Variants in EGFR observed in about 807,000 individuals in gnomAD.
The protein encoded by EGFR is avian erythroblastic leukemia viral (v-erb-b) oncogene homolog.
In EGFR, 58 loss-of-function variants were observed where a neutral mutation model predicts 143.0. The observed-to-expected ratio is 0.41, with a 90% CI of 0.33 to 0.50. The LOEUF is 0.50. EGFR is among the 20% of genes least tolerant of loss of function. EGFR has a pLI of 0.39. For synonymous variants in EGFR, 613 were observed against 594.4 expected (o/e 1.03, Z -0.45); for missense variants, 1,307 against 1,579.0 (o/e 0.83, Z 2.92).
At chr7:55,081,969 T>A (rs554868475) in intron 1 of EGFR, among the ~76,000 whole-genome samples, 1 of 152,328 alleles carries the variant, frequency 6.6e-6, no homozygotes, top group African/African-American at 2.4e-5. Context: ...CTTTACGATA[T>A]CACTCTGATA....
intron 1 of EGFR, among the ~76,000 whole-genome samples, chr7:55,122,429 G>A (rs1793264257): frequency 1.3e-5 from 2 of 152,206 alleles, no homozygotes; most frequent in East Asian, 1.9e-4. Flanking sequence ...GCAGTGGGGG[G>A]AACCGCACAG....
intron 1 of EGFR, among the ~76,000 whole-genome samples, chr7:55,139,794 G>A (rs1299427237): frequency 6.6e-6 from 1 of 152,116 alleles, no homozygotes; most frequent in African/African-American, 2.4e-5. Flanking sequence ...TCATGACGTA[G>A]AATTTAAGCA....
chr7:55,104,680 A>G (rs1423529563), intron 1 of EGFR, among the ~76,000 whole-genome samples: 1 of 152,186 alleles, frequency 6.6e-6, no homozygotes, highest in Admixed American at 6.5e-5. Flanking sequence ...GGCTTGATCC[A>G]GTGCCTAGGC....
intron 1 of EGFR, among the ~76,000 whole-genome samples, chr7:55,099,079 A>C (rs1791649634): frequency 6.6e-6 from 1 of 152,142 alleles, no homozygotes; most frequent in South Asian, 2.1e-4. Context: ...CAGAAGATGA[A>C]AATCAATTTC....
chr7:55,175,004 C>T (rs1339862566), intron 19 of EGFR, among the ~76,000 whole-genome samples, 184 bp downstream of exon 19: 1 of 152,164 alleles, frequency 6.6e-6, no homozygotes, highest in Non-Finnish European at 1.5e-5. Flanking sequence ...CAGCACTGGC[C>T]TCTCCCATGC....
At chr7:55,164,168 C>T (rs893011599) in intron 14 of EGFR, among the ~76,000 whole-genome samples, 2 of 152,218 alleles carry the variant, frequency 1.3e-5, no homozygotes, top group African/African-American at 4.8e-5. Context: ...AAATTCTTAA[C>T]ATTAGCTTGT....
chr7:55,211,027 A>T lies in EGFR; in HGVS notation c.*5410A>T, dbSNP rs1424994757. On this transcript the variant is annotated 3_prime_UTR_variant, in exon 28 of 28. Transcript: ENST00000275493. ...ATTTGTTATACATTCCTCACAAATT[A>T]TACCTGGGATAAAAACTATGTAGCA... 1 of 152,214 alleles carries T rather than the reference A, an allele frequency of 6.6e-6. No homozygotes were observed. Among genetic ancestry groups the T allele is most frequent in the African/African-American group, 2.4e-5 (1 of 41,454 alleles). The allele number at this position is 152,214 out of a possible 1,614,324, so 9.4% of individuals were successfully genotyped here. A position where few individuals can be genotyped will look rare whatever the true frequency, so the allele number is the denominator to read the frequency against.
intron 4 of EGFR, among the ~76,000 whole-genome samples, chr7:55,150,517 T>G (rs1041644692): frequency 2.0e-5 from 3 of 152,212 alleles, no homozygotes; most frequent in Non-Finnish European, 4.4e-5. Flanking sequence ...TCGGGACCCA[T>G]GAACACCTCT....
intron 1 of EGFR, among the ~76,000 whole-genome samples, chr7:55,068,328 C>A (rs1262315263): frequency 6.6e-6 from 1 of 152,116 alleles, no homozygotes; most frequent in African/African-American, 2.4e-5. Flanking sequence ...ATAGAGAATA[C>A]AAAGAGGAGA....
chr7:55,038,995 T>C (rs1387664472), intron 1 of EGFR, among the ~76,000 whole-genome samples: 1 of 151,496 alleles, frequency 6.6e-6, no homozygotes, highest in African/African-American at 2.4e-5. Flanking sequence ...GTAGATCTGG[T>C]ACCAGTTAGT....
chr7:55,141,971 T>C lies in EGFR; in HGVS notation c.89-315T>C, dbSNP rs181207139. Among the ~76,000 whole-genome samples the C allele has an allele frequency of 3.4e-3, 518 of 152,362 alleles. 2 individuals carry two copies. The highest frequency in any genetic ancestry group is 0.012 in the African/African-American group (497 of 41,592). ...TTTAAATTTCAACATTTTTTTATTT[T>C]GGCATTTTAATGCAATTCAATGCAT... On this transcript the variant is annotated intron_variant, in intron 1 of 27. Coordinates refer to ENST00000275493, the MANE Select transcript of EGFR (RefSeq NM_005228.5).
At chr7:55,153,101 A>AC (rs1785239884) in intron 6 of EGFR, among the ~76,000 whole-genome samples, 1 of 152,120 alleles carries the variant, frequency 6.6e-6, no homozygotes, top group Non-Finnish European at 1.5e-5. Context: ...TCCCTAAGAG[A>AC]CCCATGGAGA....
intron 1 of EGFR, among the ~76,000 whole-genome samples, chr7:55,056,266 C>T (rs1309371059): frequency 6.6e-6 from 1 of 152,158 alleles, no homozygotes; most frequent in Non-Finnish European, 1.5e-5. Flanking sequence ...TGAAGGCCCG[C>T]ATCTGGAACA....
intron 1 of EGFR, among the ~76,000 whole-genome samples, chr7:55,054,706 T>C (rs1788689445): frequency 6.6e-6 from 1 of 152,210 alleles, no homozygotes; most frequent in Non-Finnish European, 1.5e-5. Context: ...CGGGAAGGTC[T>C]GGACCCCTTG....
At chr7:55,109,592 C>A in intron 1 of EGFR, 1 of 307,974 alleles carries the variant, frequency 3.2e-6, no homozygotes, top group Non-Finnish European at 4.7e-6. Flanking sequence ...TCAAAGCCTT[C>A]CTCGCTTTCC....
intron 1 of EGFR, among the ~76,000 whole-genome samples, chr7:55,070,624 A>G (rs759761954): frequency 8.5e-5 from 13 of 152,248 alleles, no homozygotes; most frequent in Non-Finnish European, 1.9e-4. Context: ...CCTGTCACAG[A>G]TTAGACGACT....
chr7:55,163,554 CAG>C (rs1379792329), intron 13 of EGFR, among the ~76,000 whole-genome samples, 177 bp from the exon 14 acceptor site: 1 of 152,194 alleles, frequency 6.6e-6, no homozygotes, highest in Non-Finnish European at 1.5e-5. Flanking sequence ...TGTGTTTACT[CAG>C]AGAGAAGATG....
intron 1 of EGFR, among the ~76,000 whole-genome samples, chr7:55,105,553 T>C (rs533953940): frequency 6.6e-6 from 1 of 152,326 alleles, no homozygotes; most frequent in African/African-American, 2.4e-5. Flanking sequence ...TTCCCTCCTT[T>C]TCTTCATGAA....
At chr7:55,099,108 G>A (rs142934405) in intron 1 of EGFR, among the ~76,000 whole-genome samples, 123 of 152,316 alleles carry the variant, frequency 8.1e-4, no homozygotes, top group Admixed American at 1.8e-3. Context: ...CCCTCTGTGT[G>A]CTCTCTCGTA....
Sources: gnomAD v4.1 joint callset for allele counts (sites outside exome capture counted in the v4.1 genomes callset) on GRCh38, gnomAD v4.1.1 for gene constraint, MANE v1.5 for transcripts, NCBI Gene and HGNC (gene_info 2026-07-23, HGNC 2026-07-21) for gene names.